MYH15: variants seen among roughly 807,000 people sequenced by gnomAD.
MYH15 encodes myosin heavy chain 15, also known as myosin-15.
In MYH15, 227 loss-of-function variants were observed where a neutral mutation model predicts 240.5. The observed-to-expected ratio is 0.94, with a 90% CI of 0.85 to 1.05. The LOEUF (loss-of-function observed/expected upper bound fraction) is 1.05. Ranked by LOEUF, MYH15 falls within the 50% of genes least tolerant of loss-of-function variation. The pLI is 0.00. For missense variants in MYH15, 2,217 were observed against 2,247.5 expected (o/e 0.99, Z 0.27); for synonymous variants, 785 against 796.7 (o/e 0.99, Z 0.25).
rs759024377 is a variant in MYH15 at position 108,459,472 on chromosome 3, C to T, written c.1933-23G>A. On this transcript the variant is annotated intron_variant, in intron 17 of 40. Transcript: ENST00000693548. ...TTCCTAAAATGGAGACCATAATAAACACAAAATCACTTTGCAAATCACTAA... is the reference window on the plus strand; with the variant it reads ...TTCCTAAAATGGAGACCATAATAAATACAAAATCACTTTGCAAATCACTAA... The T allele has an allele frequency of 6.8e-6, 10 of 1,470,312 alleles. No individual in the cohort carries two copies. The East Asian group carries it at 1.2e-4, about 17-fold the overall frequency. The allele number at this position is 1,470,312 out of a possible 1,614,324, so 91.1% of individuals were successfully genotyped here. A position where few individuals can be genotyped will look rare whatever the true frequency, so the allele number is the denominator to read the frequency against.
chr3:108,457,700 A>G (rs2083034993), intron 18 of MYH15, among the ~76,000 whole-genome samples: 1 of 152,216 alleles, frequency 6.6e-6, no homozygotes, highest in Non-Finnish European at 1.5e-5. Context: ...ATATTTCTAT[A>G]CTCGAATCCC....
intron 30 of MYH15, among the ~76,000 whole-genome samples, chr3:108,412,562 G>T (rs762935498): frequency 2.0e-5 from 3 of 152,172 alleles, no homozygotes; most frequent in African/African-American, 7.2e-5. Context: ...GGGCAAACTG[G>T]ACAAACTGGT....
intron 14 of MYH15, among the ~76,000 whole-genome samples, chr3:108,466,818 G>A (rs1469923792): frequency 6.6e-6 from 1 of 152,138 alleles, no homozygotes; most frequent in Non-Finnish European, 1.5e-5. Context: ...GTGAGCATAA[G>A]TGGCTAATAA....
intron 34 of MYH15, 33 bp from the exon 35 acceptor site, chr3:108,398,873 T>C: frequency 2.5e-6 from 4 of 1,588,610 alleles, no homozygotes; most frequent in Non-Finnish European, 1.7e-6. Flanking sequence ...GGAGTACAGA[T>C]CCCTCTGAGT....
intron 7 of MYH15, among the ~76,000 whole-genome samples, chr3:108,493,829 A>G (rs1263162228): frequency 2.0e-5 from 3 of 152,210 alleles, no homozygotes; most frequent in Non-Finnish European, 4.4e-5. Flanking sequence ...GTAGAGTTTT[A>G]TTTTATGTGT....
At chr3:108,434,216 CTT>C (rs2082810552) in intron 25 of MYH15, among the ~76,000 whole-genome samples, 1 of 118,528 alleles carries the variant, frequency 8.4e-6, no homozygotes, top group Admixed American at 9.4e-5. Flanking sequence ...GAGTTTCACT[CTT>C]GTTGCCCAGG....
intron 14 of MYH15, 55 bp from the exon 15 acceptor site, chr3:108,464,869 T>C (rs2083102082): frequency 6.8e-7 from 1 of 1,465,476 alleles, no homozygotes; most frequent in Non-Finnish European, 9.1e-7. Flanking sequence ...GCACTTTCAG[T>C]AGGGGGTCAG....
At chr3:108,401,927 T>C (rs747419724) in intron 33 of MYH15, among the ~76,000 whole-genome samples, 12 of 152,294 alleles carry the variant, frequency 7.9e-5, no homozygotes, top group South Asian at 2.1e-4. Context: ...AAGGGCAATA[T>C]AGGAAGAAGT....
At chr3:108,408,253 A>G (rs1416487236) in intron 32 of MYH15, 27 bp downstream of exon 32, 1 of 1,595,856 alleles carries the variant, frequency 6.3e-7, no homozygotes, top group Non-Finnish European at 8.5e-7. Context: ...CACAGTGAAA[A>G]CTTTCTTTTC....
chr3:108,463,982 A>C (rs1285119335), intron 15 of MYH15, among the ~76,000 whole-genome samples: 1 of 152,152 alleles, frequency 6.6e-6, no homozygotes, highest in Non-Finnish European at 1.5e-5. Flanking sequence ...CAGCAATTGC[A>C]ATGGTATTTT....
At chr3:108,486,331 T>A in intron 10 of MYH15, 92 bp downstream of exon 10, 1 of 1,047,142 alleles carries the variant, frequency 9.5e-7, no homozygotes, top group African/African-American at 1.6e-5. Context: ...CAAGACCACT[T>A]CTCTGGGTCC....
At chr3:108,387,887 A>C (rs1171815650) in intron 38 of MYH15, among the ~76,000 whole-genome samples, 1 of 152,224 alleles carries the variant, frequency 6.6e-6, no homozygotes, top group Admixed American at 6.5e-5. Flanking sequence ...GATGCTTCTG[A>C]AGTGCTGTGC....
intron 1 of MYH15, among the ~76,000 whole-genome samples, chr3:108,528,267 T>A (rs1326977469): frequency 6.6e-6 from 1 of 152,050 alleles, no homozygotes; most frequent in Non-Finnish European, 1.5e-5. Flanking sequence ...TAGAAAAAAA[T>A]AATTATTGCA....
chr3:108,442,083 T>C (rs1381958840), intron 22 of MYH15, among the ~76,000 whole-genome samples: 1 of 152,226 alleles, frequency 6.6e-6, no homozygotes, highest in Non-Finnish European at 1.5e-5. Context: ...AGTTCTTAAT[T>C]GTTGCGGGTC....
chr3:108,515,793 T>C (rs889261796), intron 1 of MYH15, among the ~76,000 whole-genome samples: 9 of 152,210 alleles, frequency 5.9e-5, no homozygotes, highest in Admixed American at 1.3e-4. Context: ...CTTTCCAAAT[T>C]GCTTATTGAA....
At chr3:108,479,317 C>A (rs2083246818) in intron 11 of MYH15, among the ~76,000 whole-genome samples, 1 of 152,108 alleles carries the variant, frequency 6.6e-6, no homozygotes, top group South Asian at 2.1e-4. Context: ...GGAGAGGTAA[C>A]ATTTAGCTAG....
chr3:108,523,500 A>G (rs1331875517), intron 1 of MYH15, among the ~76,000 whole-genome samples: 1 of 152,028 alleles, frequency 6.6e-6, no homozygotes, highest in Non-Finnish European at 1.5e-5. Flanking sequence ...GTATACATAC[A>G]TATATAATAC....
the MYH15 span, among the ~76,000 whole-genome samples, chr3:108,537,195 A>G: frequency 6.6e-6 from 1 of 152,162 alleles, no homozygotes; most frequent in Non-Finnish European, 1.5e-5. Flanking sequence ...AGGTATGATC[A>G]TTCCTCTAAA....
At chr3:108,463,273 A>C in intron 15 of MYH15, 30 bp from the exon 16 acceptor site, 1 of 1,576,586 alleles carries the variant, frequency 6.3e-7, no homozygotes, top group African/African-American at 1.4e-5. Context: ...TCAGGTTAAA[A>C]AAAGAAAAAA....
Sources: allele counts gnomAD v4.1 joint callset (sites outside exome capture counted in the v4.1 genomes callset), GRCh38; gene constraint gnomAD v4.1.1; transcripts MANE v1.5; gene names NCBI Gene and HGNC (gene_info 2026-07-23, HGNC 2026-07-21).